CDK14: variants seen among roughly 807,000 people sequenced by gnomAD.
CDK14 encodes the protein cyclin dependent kinase 14.
Under a neutral mutation model 60.7 loss-of-function variants are expected in CDK14, and 34 were observed. That is an observed-to-expected ratio of 0.56 (90% CI 0.43 to 0.75). The LOEUF is 0.75. CDK14 is among the 30% of genes least tolerant of loss of function. CDK14 has a pLI of 0.00. For synonymous variants in CDK14, 197 were observed against 203.7 expected (o/e 0.97, Z 0.28); for missense variants, 482 against 564.1 (o/e 0.85, Z 1.47).
At chr7:90,674,765 A>G (rs890143327) in intron 2 of CDK14, among the ~76,000 whole-genome samples, 2 of 152,138 alleles carry the variant, frequency 1.3e-5, no homozygotes, top group Non-Finnish European at 2.9e-5. Flanking sequence ...TCCCCCTGCA[A>G]ACTGGCCACT....
intron 2 of CDK14, among the ~76,000 whole-genome samples, chr7:90,665,465 T>TAGCA (rs1800958754): frequency 6.6e-6 from 1 of 152,182 alleles, no homozygotes; most frequent in Non-Finnish European, 1.5e-5. Flanking sequence ...ATGCAATGGA[T>TAGCA]AGCAAACAAA....
At chr7:90,776,314 A>C (rs903505798) in intron 4 of CDK14, among the ~76,000 whole-genome samples, 3 of 152,144 alleles carry the variant, frequency 2.0e-5, no homozygotes, top group African/African-American at 7.2e-5. Flanking sequence ...GGCTGTATGC[A>C]TGTTATTTCT....
intron 5 of CDK14, among the ~76,000 whole-genome samples, chr7:90,852,447 G>C (rs939642245): frequency 6.6e-6 from 1 of 152,058 alleles, no homozygotes; most frequent in Non-Finnish European, 1.5e-5. Context: ...TCCAGATGTA[G>C]AATAGCCTCT....
At chr7:90,985,681 A>C (rs1795353800) in intron 10 of CDK14, among the ~76,000 whole-genome samples, 1 of 152,162 alleles carries the variant, frequency 6.6e-6, no homozygotes, top group Non-Finnish European at 1.5e-5. Context: ...TGGTAAGAAA[A>C]GAAGACTGGA....
Position 91,072,195 on chromosome 7 carries a change from C to A in CDK14, c.1106-7237C>A, listed in dbSNP as rs557859387. ...AGTGCTTCATTAAATGGGTCCTGCTCCCCGTGCCACCCAACTGGGCGAGAC... is the reference window on the plus strand; with the variant it reads ...AGTGCTTCATTAAATGGGTCCTGCTACCCGTGCCACCCAACTGGGCGAGAC... On this transcript the variant is annotated intron_variant, in intron 11 of 14. Coordinates refer to ENST00000380050, the MANE Select transcript of CDK14 (RefSeq NM_001287135.2). Among the ~76,000 whole-genome samples, 32 of 152,278 alleles carry A rather than the reference C, an allele frequency of 2.1e-4. 1 individual carries two copies. The highest frequency in any genetic ancestry group is 1.2e-3 in the Admixed American group (19 of 15,310).
At chr7:90,909,687 A>G (rs1193207313) in intron 7 of CDK14, among the ~76,000 whole-genome samples, 6 of 152,074 alleles carry the variant, frequency 3.9e-5, no homozygotes, top group Non-Finnish European at 7.4e-5. Context: ...AGAGTGTGGA[A>G]TGGAAGGCCA....
intron 10 of CDK14, among the ~76,000 whole-genome samples, chr7:90,998,970 T>C (rs1300706799): frequency 1.3e-5 from 2 of 152,136 alleles, no homozygotes; most frequent in Admixed American, 1.3e-4. Flanking sequence ...AGGGGCTGCA[T>C]CTGGTGAGGG....
chr7:90,793,483 AAGAGT>A (rs1389503697), intron 5 of CDK14, among the ~76,000 whole-genome samples: 1 of 152,216 alleles, frequency 6.6e-6, no homozygotes, highest in Non-Finnish European at 1.5e-5. Context: ...AAAAACAGTA[AAGAGT>A]AGATTGAGGA....
chr7:91,124,313 C>T (rs1278898955), intron 14 of CDK14, among the ~76,000 whole-genome samples: 1 of 152,142 alleles, frequency 6.6e-6, no homozygotes, highest in East Asian at 1.9e-4. Flanking sequence ...ACATTAGCTA[C>T]ATTTGCTTTA....
intron 1 of CDK14, 38 bp downstream of exon 1, chr7:90,596,756 C>A: frequency 6.5e-7 from 1 of 1,536,000 alleles, no homozygotes; most frequent in Non-Finnish European, 9.0e-7. Context: ...CCAGCGCCCG[C>A]TCCCCTCGGC....
chr7:90,747,563 A>G, intron 3 of CDK14, 118 bp from the exon 4 acceptor site: 2 of 633,528 alleles, frequency 3.2e-6, no homozygotes, highest in South Asian at 2.0e-5. Flanking sequence ...CATGTATGCC[A>G]GAAAAAACAG....
chr7:90,824,404 T>C (rs1311246515), intron 5 of CDK14, among the ~76,000 whole-genome samples: 3 of 151,188 alleles, frequency 2.0e-5, no homozygotes, highest in Non-Finnish European at 4.4e-5. Context: ...AACCTAAGAG[T>C]GAACATGGTG....
chr7:90,778,662 A>G (rs571895314), intron 4 of CDK14, among the ~76,000 whole-genome samples: 228 of 152,068 alleles, frequency 1.5e-3, no homozygotes, highest in Non-Finnish European at 2.8e-3. Context: ...CACTAGCTCT[A>G]TCCTTCTTCC....
At chr7:90,641,022 A>G (rs1198158791) in intron 2 of CDK14, among the ~76,000 whole-genome samples, 2 of 152,066 alleles carry the variant, frequency 1.3e-5, no homozygotes, top group Admixed American at 6.6e-5. Context: ...CATCAGGGAA[A>G]TTCAAATCAA....
chr7:90,875,735 C>A (rs141034681), intron 6 of CDK14, among the ~76,000 whole-genome samples: 34 of 151,894 alleles, frequency 2.2e-4, no homozygotes, highest in African/African-American at 8.0e-4. Context: ...GGATTGTTCT[C>A]CTAATTTTCT....
intron 14 of CDK14, among the ~76,000 whole-genome samples, chr7:91,147,587 GC>G (rs1375206073): frequency 1.3e-5 from 2 of 152,156 alleles, no homozygotes; most frequent in African/African-American, 4.8e-5. Flanking sequence ...GGCGAGACAT[GC>G]CTTCTCTACA....
At chr7:90,670,740 C>A (rs1371941662) in intron 2 of CDK14, among the ~76,000 whole-genome samples, 2 of 152,084 alleles carry the variant, frequency 1.3e-5, no homozygotes, top group African/African-American at 4.8e-5. Flanking sequence ...CATAAGGAAT[C>A]CACCCCGCGA....
At chr7:90,740,579 C>G (rs1251081605) in intron 3 of CDK14, among the ~76,000 whole-genome samples, 1 of 152,144 alleles carries the variant, frequency 6.6e-6, no homozygotes, top group Non-Finnish European at 1.5e-5. Context: ...CGTGAGAGGA[C>G]TCAGGAGAAA....
intron 8 of CDK14, among the ~76,000 whole-genome samples, chr7:90,954,085 A>G (rs544845056): frequency 3.9e-5 from 6 of 152,210 alleles, no homozygotes; most frequent in Non-Finnish European, 8.8e-5. Flanking sequence ...ACATTTTAAT[A>G]TGGAATACTT....
Sources: allele counts gnomAD v4.1 joint callset (sites outside exome capture counted in the v4.1 genomes callset), GRCh38; gene constraint gnomAD v4.1.1; transcripts MANE v1.5; gene names NCBI Gene and HGNC (gene_info 2026-07-23, HGNC 2026-07-21).